Variants in SCN2A observed in about 807,000 individuals in gnomAD.
SCN2A encodes the protein sodium channel protein type 2 subunit alpha.
Under a neutral mutation model 188.7 loss-of-function variants are expected in SCN2A, and 20 were observed. The observed-to-expected ratio is 0.11, with a 90% CI of 0.07 to 0.15. SCN2A has a LOEUF of 0.15. Among genes scored for constraint, SCN2A ranks in the 10% least tolerant of loss-of-function variants. The pLI is 1.00. For missense variants in SCN2A, 1,278 were observed against 2,445.0 expected (o/e 0.52, Z 10.07); for synonymous variants, 804 against 833.1 (o/e 0.97, Z 0.60).
chr2:165,373,386 T>C, intron 21 of SCN2A, 39 bp downstream of exon 21: 2 of 1,610,358 alleles, frequency 1.2e-6, no homozygotes, highest in Non-Finnish European at 1.7e-6. Context: ...GAATTATTAT[T>C]GAGAGCAGAC....
intron 16 of SCN2A, among the ~76,000 whole-genome samples, chr2:165,345,855 C>T (rs1221590005): frequency 6.6e-6 from 1 of 152,064 alleles, no homozygotes; most frequent in Non-Finnish European, 1.5e-5. Flanking sequence ...ACTGGTTTTT[C>T]CTTGCCATAT....
At chr2:165,272,810 A>G (rs555946371) in intron 1 of SCN2A, 2 of 144,872 alleles carry the variant, frequency 1.4e-5, no homozygotes, top group Non-Finnish European at 3.1e-5. Flanking sequence ...ACACACAAAT[A>G]CAGTGCGCTA....
At chr2:165,244,887 G>T (rs1021438541) in intron 1 of SCN2A, among the ~76,000 whole-genome samples, 3 of 152,234 alleles carry the variant, frequency 2.0e-5, no homozygotes, top group African/African-American at 7.2e-5. Flanking sequence ...TACATCTTGT[G>T]TTGTGTGATA....
intron 1 of SCN2A, among the ~76,000 whole-genome samples, chr2:165,288,455 A>G (rs1695953331): frequency 6.6e-6 from 1 of 151,242 alleles, no homozygotes; most frequent in Admixed American, 6.6e-5. Context: ...CAAGAAAGAG[A>G]AAAAAGAATA....
chr2:165,361,478 C>T (rs1271210323), intron 17 of SCN2A, among the ~76,000 whole-genome samples: 4 of 151,986 alleles, frequency 2.6e-5, no homozygotes, highest in African/African-American at 9.7e-5. Flanking sequence ...GAATGGGGTG[C>T]AGAAGATCTG....
chr2:165,260,893 C>T (rs929271482), intron 1 of SCN2A, among the ~76,000 whole-genome samples: 3 of 146,768 alleles, frequency 2.0e-5, no homozygotes, highest in African/African-American at 5.1e-5. Context: ...TCACTTGAAC[C>T]CAGGAGGTGG....
chr2:165,271,174 T>A (rs1695087806), intron 1 of SCN2A: 1 of 152,174 alleles, frequency 6.6e-6, no homozygotes, highest in Admixed American at 6.6e-5. Flanking sequence ...GGACTCGGTG[T>A]TATTACTTAA....
rs143717842 is a variant in SCN2A, at chr2:165,337,312, T to C, written c.2389-4984T>C. On this transcript the variant is annotated intron_variant, in intron 14 of 26. Coordinates refer to ENST00000375437, the MANE Select transcript of SCN2A (RefSeq NM_001040142.2). Reference sequence around the variant, plus strand: ...AAAGGAAAAATGAACTGAGTCTAACTATAATATGGGATAATATCAAGTAGT... The same window carrying C: ...AAAGGAAAAATGAACTGAGTCTAACCATAATATGGGATAATATCAAGTAGT... Among the ~76,000 whole-genome samples the C allele has an allele frequency of 3.6e-3, 545 of 152,184 alleles. 2 individuals carry two copies. The highest frequency in any genetic ancestry group is 0.012 in the African/African-American group (505 of 41,566).
At chr2:165,303,270 G>GTT (rs71028477) in intron 3 of SCN2A, among the ~76,000 whole-genome samples, 104 of 91,298 alleles carry the variant, frequency 1.1e-3, no homozygotes, top group African/African-American at 1.9e-3. Context: ...TGTTATTTGA[G>GTT]TTTTTTTTTT....
intron 1 of SCN2A, among the ~76,000 whole-genome samples, chr2:165,280,025 G>T (rs563928220): frequency 6.6e-6 from 1 of 152,220 alleles, no homozygotes; most frequent in South Asian, 2.1e-4. Flanking sequence ...CCATGATTGT[G>T]AGGCCTCCCC....
intron 14 of SCN2A, among the ~76,000 whole-genome samples, chr2:165,339,082 G>A (rs145538134): frequency 0.011 from 1,598 of 152,128 alleles, 21 homozygotes; most frequent in African/African-American, 0.037. Flanking sequence ...TTAGCTGAGC[G>A]TGGTGGCAGG....
Position 165,344,633 on chromosome 2 carries a change from C to G in SCN2A, c.2641C>G (p.Leu881Val). Residue 881 changes from leucine to valine, a missense_variant, in exon 16 of 27, where the codon CTA becomes GTA. This residue lies in a region of SCN2A where 83 missense variants were observed against 256.8 expected (regional missense o/e 0.32). Transcript: ENST00000375437. ...IKIIGNSVGA[L>V]GNLTLVLAII... ...GATCATTGGCAATTCTGTGGGGGCT[C>G]TAGGAAACCTCACCTTGGTATTGGC... The G allele has an allele frequency of 6.2e-7, 1 of 1,614,108 alleles. No individual in the cohort carries two copies. Among genetic ancestry groups the G allele is most frequent in the Non-Finnish European group, 8.5e-7 (1 of 1,180,014 alleles).
At chr2:165,328,840 TTTTA>T (rs1379420255) in intron 13 of SCN2A, among the ~76,000 whole-genome samples, 4 of 152,112 alleles carry the variant, frequency 2.6e-5, no homozygotes, top group African/African-American at 9.7e-5. Context: ...ATGGCCAAGT[TTTTA>T]TTCTGTTTTT....
chr2:165,327,339 A>G (rs1480694021), intron 13 of SCN2A: 3 of 236,572 alleles, frequency 1.3e-5, no homozygotes, highest in Non-Finnish European at 2.5e-5. Flanking sequence ...ACTGCTTGAG[A>G]CACAAGTTAT....
Position 165,315,464 on chromosome 2 carries a change from C to G in SCN2A, c.1384-7C>G, listed in dbSNP as rs1283931859. 6.2e-7 allele frequency: 1 copy of G among 1,613,684 alleles called. No homozygotes were observed. The highest frequency in any genetic ancestry group is 1.1e-5 in the South Asian group (1 of 91,004). On this transcript the variant is annotated splice_region_variant and splice_polypyrimidine_tract_variant and intron_variant, in intron 10 of 26. Transcript: ENST00000375437. The stretch of plus-strand genomic sequence containing the variant: ...ATGCAACTTCCACATACTTTGCGCC[C>G]TTCTAGGCGGCAGCTGCAGCCGCAT...
At chr2:165,330,794 G>C (rs1698631313) in intron 13 of SCN2A, among the ~76,000 whole-genome samples, 1 of 152,066 alleles carries the variant, frequency 6.6e-6, no homozygotes, top group Non-Finnish European at 1.5e-5. Context: ...ATGGAACTTT[G>C]TTGTGTCTAA....
intron 1 of SCN2A, among the ~76,000 whole-genome samples, chr2:165,291,701 T>G (rs1477419560): frequency 6.6e-6 from 1 of 150,464 alleles, no homozygotes; most frequent in Non-Finnish European, 1.5e-5. Context: ...CCTCCTGCCC[T>G]GATCTCCCAA....
intron 18 of SCN2A, 104 bp downstream of exon 18, chr2:165,365,367 C>G (rs547755345): frequency 8.7e-7 from 1 of 1,143,948 alleles, no homozygotes; most frequent in Admixed American, 2.0e-5. Flanking sequence ...TATTATCTAT[C>G]TATCTGTATC....
intron 23 of SCN2A, among the ~76,000 whole-genome samples, chr2:165,379,918 G>A (rs2105383163): frequency 6.6e-6 from 1 of 151,814 alleles, no homozygotes; most frequent in Middle Eastern, 3.4e-3. Flanking sequence ...AACAAAAGTG[G>A]ATTAGACAAG....
Sources: gnomAD v4.1 joint callset for allele counts (sites outside exome capture counted in the v4.1 genomes callset) on GRCh38, gnomAD v4.1.1 for gene constraint, gnomAD v4.1.1 regional missense constraint, MANE v1.5 for transcripts, NCBI Gene and HGNC (gene_info 2026-07-23, HGNC 2026-07-21) for gene names.